PRKN: variants seen among roughly 807,000 people sequenced by gnomAD.
PRKN encodes parkin RBR E3 ubiquitin protein ligase.
Under a neutral mutation model 59.5 loss-of-function variants are expected in PRKN, and 56 were observed. That is an observed-to-expected ratio of 0.94 (90% CI 0.76 to 1.18). The LOEUF is 1.18. PRKN is among the 50% of genes most tolerant of loss of function. The pLI is 0.00. For synonymous variants in PRKN, 250 were observed against 222.1 expected (o/e 1.13, Z -1.12); for missense variants, 657 against 596.4 (o/e 1.10, Z -1.06).
At chr6:161,381,175 G>A (rs893619365) in intron 10 of PRKN, among the ~76,000 whole-genome samples, 1 of 152,210 alleles carries the variant, frequency 6.6e-6, no homozygotes, top group Non-Finnish European at 1.5e-5. Context: ...TGGCATTTGA[G>A]TTGGCCATCC....
Position 161,442,629 on chromosome 6 carries a change from G to A in PRKN, c.1084-55752C>T, listed in dbSNP as rs917222961. ...ACCTGGACCAAGGGTGGCCTTCGCT[G>A]TCTTGGACTGGACGGGCTGGACTCC... On this transcript the variant is annotated intron_variant, in intron 9 of 11. Coordinates refer to ENST00000366898, the MANE Select transcript of PRKN (RefSeq NM_004562.3). The surrounding 1 kb of genome is among the most constrained non-coding windows in gnomAD (Gnocchi z 4.6). Among the ~76,000 whole-genome samples the A allele has an allele frequency of 6.6e-5, 10 of 152,218 alleles. No homozygotes were observed. The highest frequency in any genetic ancestry group is 5.9e-4 in the Admixed American group (9 of 15,284).
At chr6:161,700,361 T>A (rs1226536090) in intron 7 of PRKN, among the ~76,000 whole-genome samples, 1 of 152,106 alleles carries the variant, frequency 6.6e-6, no homozygotes, top group Non-Finnish European at 1.5e-5. Context: ...CTTGGGAAAG[T>A]CCAATTATTT....
chr6:161,658,759 A>G (rs1191162040), intron 7 of PRKN, among the ~76,000 whole-genome samples: 1 of 152,266 alleles, frequency 6.6e-6, no homozygotes, highest in Non-Finnish European at 1.5e-5. Context: ...TGATACTCAC[A>G]GCATACTGTT....
chr6:162,076,017 G>A (rs929033413), intron 4 of PRKN, among the ~76,000 whole-genome samples: 63 of 145,730 alleles, frequency 4.3e-4, no homozygotes, highest in African/African-American at 1.5e-3. Context: ...CACCCAGGCT[G>A]GAGAACAGTG....
chr6:162,275,232 G>A (rs1445889978), intron 2 of PRKN: 1 of 151,392 alleles, frequency 6.6e-6, no homozygotes, highest in Non-Finnish European at 1.5e-5. Context: ...ACTACATTTG[G>A]CTGTAGTGTA....
At chr6:161,684,021 C>T (rs2128173318) in intron 7 of PRKN, among the ~76,000 whole-genome samples, 1 of 152,142 alleles carries the variant, frequency 6.6e-6, no homozygotes, top group African/African-American at 2.4e-5. Flanking sequence ...CATGGAAACA[C>T]CCACATTTAA....
At chr6:162,448,812 C>A (rs1790445594) in intron 1 of PRKN, among the ~76,000 whole-genome samples, 1 of 151,642 alleles carries the variant, frequency 6.6e-6, no homozygotes, top group African/African-American at 2.4e-5. Flanking sequence ...CTTTCTCTTT[C>A]TTTCTCTTCC....
intron 6 of PRKN, among the ~76,000 whole-genome samples, chr6:161,877,843 G>C (rs891585598): frequency 6.6e-6 from 1 of 152,122 alleles, no homozygotes; most frequent in African/African-American, 2.4e-5. Flanking sequence ...CAGTTGCTAG[G>C]ATGGCATGTG....
At position 161,419,577 on chromosome 6, in the gene PRKN, G is replaced by A. The variant is rs985434060; in HGVS notation, c.1084-32700C>T. On this transcript the variant is annotated intron_variant, in intron 9 of 11. Transcript: ENST00000366898. This position sits in a 1 kb window ranked among gnomAD's most constrained non-coding sequence, Gnocchi z 4.1. ...TAATTTTTGTATTTTTTTAAAAAACGGGGTTTCACCATGTTGACCAGGCTG... is the reference window on the plus strand; with the variant it reads ...TAATTTTTGTATTTTTTTAAAAAACAGGGTTTCACCATGTTGACCAGGCTG... Among the ~76,000 whole-genome samples, 4 of 150,626 alleles carry A rather than the reference G, an allele frequency of 2.7e-5. No homozygotes were observed. Among genetic ancestry groups the A allele is most frequent in the East Asian group, 2.0e-4 (1 of 5,002 alleles).
At chr6:161,590,457 G>A (rs1781676969) in intron 7 of PRKN, among the ~76,000 whole-genome samples, 1 of 152,078 alleles carries the variant, frequency 6.6e-6, no homozygotes, top group African/African-American at 2.4e-5. Flanking sequence ...AATTAGCTGG[G>A]CGTGGTGGCG....
Position 161,361,728 on chromosome 6 carries a change from T to A in PRKN, c.1168-1523A>T, listed in dbSNP as rs533670363. Among the ~76,000 whole-genome samples the A allele has an allele frequency of 2.6e-5, 4 of 152,300 alleles. No individual in the cohort carries two copies. The highest frequency in any genetic ancestry group is 9.6e-5 in the African/African-American group (4 of 41,562). ...AACACCCTTGAGAACTGCCAGGGTG[T>A]CACGTGATTTGTGAATACTTTGCTA... On this transcript the variant is annotated intron_variant, in intron 10 of 11. Coordinates refer to ENST00000366898, the MANE Select transcript of PRKN (RefSeq NM_004562.3). This position sits in a 1 kb window ranked among gnomAD's most constrained non-coding sequence, Gnocchi z 5.2.
intron 9 of PRKN, among the ~76,000 whole-genome samples, chr6:161,408,684 T>G (rs924613677): frequency 1.3e-5 from 2 of 151,996 alleles, no homozygotes; most frequent in Non-Finnish European, 2.9e-5. Context: ...AGAAAACAGT[T>G]GTGGGAATGC....
intron 1 of PRKN, among the ~76,000 whole-genome samples, chr6:162,663,121 G>A (rs866109011): frequency 6.6e-6 from 1 of 152,140 alleles, no homozygotes; most frequent in Non-Finnish European, 1.5e-5. Context: ...CCCACCAGCC[G>A]ATGGTCCTAC....
At chr6:162,696,306 C>T (rs1777964333) in intron 1 of PRKN, among the ~76,000 whole-genome samples, 1 of 152,050 alleles carries the variant, frequency 6.6e-6, no homozygotes, top group Non-Finnish European at 1.5e-5. Flanking sequence ...GATGTGCTTC[C>T]CCCTGCCTGA....
At chr6:161,943,246 A>C (rs1446902461) in intron 6 of PRKN, among the ~76,000 whole-genome samples, 1 of 152,262 alleles carries the variant, frequency 6.6e-6, no homozygotes, top group Non-Finnish European at 1.5e-5. Context: ...GTTGACGCGA[A>C]GCTGAAAATA....
intron 2 of PRKN, among the ~76,000 whole-genome samples, chr6:162,443,030 G>T (rs1045025381): frequency 2.6e-5 from 4 of 152,162 alleles, no homozygotes; most frequent in Non-Finnish European, 4.4e-5. Context: ...GTGCCTTGCT[G>T]CTCCTGTAGT....
At chr6:162,548,656 A>T (rs1056159902) in intron 1 of PRKN, among the ~76,000 whole-genome samples, 1 of 152,180 alleles carries the variant, frequency 6.6e-6, no homozygotes, top group Non-Finnish European at 1.5e-5. Flanking sequence ...TATCCTTCCT[A>T]TTTAAGCTAA....
chr6:162,085,829 C>G (rs1325345878), intron 4 of PRKN, among the ~76,000 whole-genome samples: 1 of 151,486 alleles, frequency 6.6e-6, no homozygotes, highest in East Asian at 1.9e-4. Flanking sequence ...CAGAAATTTA[C>G]CTGTTTTAAA....
At chr6:162,226,391 G>A (rs933611019) in intron 3 of PRKN, among the ~76,000 whole-genome samples, 3 of 152,112 alleles carry the variant, frequency 2.0e-5, no homozygotes, top group African/African-American at 7.2e-5. Flanking sequence ...TTCCACAATG[G>A]CACTGTAATG....
Sources: gnomAD v4.1 joint callset for allele counts (sites outside exome capture counted in the v4.1 genomes callset) on GRCh38, gnomAD v4.1.1 for gene constraint, Gnocchi (gnomAD v3.1) non-coding constraint, MANE v1.5 for transcripts, NCBI Gene and HGNC (gene_info 2026-07-23, HGNC 2026-07-21) for gene names.